ADTRP: variants seen among roughly 807,000 people sequenced by gnomAD.
ADTRP encodes the protein androgen-dependent TFPI-regulating protein.
ADTRP carries 20 observed loss-of-function variants against 27.0 expected under a neutral mutation model. The observed-to-expected ratio is 0.74, with a 90% CI of 0.52 to 1.08. The LOEUF (loss-of-function observed/expected upper bound fraction) is 1.08, where lower values mean the gene tolerates loss of function less well. Ranked by LOEUF, ADTRP falls within the 50% of genes least tolerant of loss-of-function variation. ADTRP has a pLI of 0.00. For synonymous variants in ADTRP, 101 were observed against 105.2 expected, an observed-to-expected ratio of 0.96 and a Z score of 0.25; for missense variants, 251 against 275.0, an observed-to-expected ratio of 0.91 and a Z score of 0.62.
At chr6:11,723,910 A>C (rs937904485) in intron 4 of ADTRP, among the ~76,000 whole-genome samples, 1 of 152,028 alleles carries the variant, frequency 6.6e-6, no homozygotes, top group Admixed American at 6.6e-5. Context: ...AATACAAAAA[A>C]TTAACTGGGC....
At chr6:11,735,462 A>G in intron 4 of ADTRP, 106 bp downstream of exon 4, 1 of 776,768 alleles carries the variant, frequency 1.3e-6, no homozygotes, top group East Asian at 2.7e-5. Context: ...TTAAATCCTT[A>G]TTAAACCAAG....
At chr6:11,730,918 G>A (rs1014876538) in intron 4 of ADTRP, among the ~76,000 whole-genome samples, 2 of 152,224 alleles carry the variant, frequency 1.3e-5, no homozygotes, top group Non-Finnish European at 2.9e-5. Flanking sequence ...GAGTAACATT[G>A]TTAATTCTAC....
At position 11,778,790 on chromosome 6, in the gene ADTRP, CTT is replaced by C. The variant is rs549889128; in HGVS notation, c.-33_-32del. 9,036 of 1,605,454 alleles carry C rather than the reference CTT, an allele frequency of 5.6e-3. 43 individuals carry two copies. The highest frequency in any genetic ancestry group is 6.8e-3 in the Non-Finnish European group (8,031 of 1,174,202). On this transcript the variant is annotated 5_prime_UTR_variant, in exon 1 of 6. Coordinates refer to ENST00000414691, the MANE Select transcript of ADTRP (RefSeq NM_032744.4). ...GTGCTGACCGGGGCACCGTGAATGT[CTT>C]GAGTACTTTCTGGCGTCCTTCTGTG...
chr6:11,761,248 T>A (rs1274521101), intron 3 of ADTRP, among the ~76,000 whole-genome samples: 1 of 152,200 alleles, frequency 6.6e-6, no homozygotes, highest in Non-Finnish European at 1.5e-5. Context: ...CTGCCTTTTT[T>A]ACACAAACAC....
At chr6:11,768,541 AGCTCATTG>A (rs1377323589) in intron 1 of ADTRP, among the ~76,000 whole-genome samples, 158 bp from the exon 2 acceptor site, 1 of 152,318 alleles carries the variant, frequency 6.6e-6, no homozygotes, top group African/African-American at 2.4e-5. Context: ...CTGGGCTTCC[AGCTCATTG>A]GGTCCTGACC....
chr6:11,738,194 G>A (rs1469058874), intron 3 of ADTRP, among the ~76,000 whole-genome samples: 1 of 152,146 alleles, frequency 6.6e-6, no homozygotes, highest in Non-Finnish European at 1.5e-5. Context: ...CCAGGGTGGG[G>A]TGCAAGCAAG....
intron 3 of ADTRP, among the ~76,000 whole-genome samples, chr6:11,753,804 A>G (rs1234348704): frequency 6.6e-6 from 1 of 152,190 alleles, no homozygotes; most frequent in Non-Finnish European, 1.5e-5. Flanking sequence ...CATCTCTTAG[A>G]GTCACATGTC....
chr6:11,714,531 A>C lies in ADTRP; in HGVS notation c.659-19T>G, dbSNP rs773599860. ...ATGTCACCTGTACAAACAAGAACAGAGACAGACCTCAGGCTTCAGGCTTTC... is the reference window on the plus strand; with the variant it reads ...ATGTCACCTGTACAAACAAGAACAGCGACAGACCTCAGGCTTCAGGCTTTC... On this transcript the variant is annotated intron_variant, in intron 5 of 5. Coordinates refer to ENST00000414691, the MANE Select transcript of ADTRP (RefSeq NM_032744.4). The C allele has an allele frequency of 3.1e-6, 5 of 1,610,490 alleles. No individual in the cohort carries two copies. The highest frequency in any genetic ancestry group is 3.4e-6 in the Non-Finnish European group (4 of 1,178,980).
chr6:11,775,616 T>G (rs1355197285), intron 1 of ADTRP, among the ~76,000 whole-genome samples: 1 of 152,078 alleles, frequency 6.6e-6, no homozygotes, highest in African/African-American at 2.4e-5. Context: ...TTCACTCTCC[T>G]TAGTCAGAAA....
At position 11,768,306 on chromosome 6, in the gene ADTRP, C is replaced by T; in HGVS notation, c.231G>A (p.Lys77=). ...LKRTKGGKDI[K]FLTAFRDLLF... ...GCAGGTCTCTGAAGGCAGTTAGGAA[C>T]TTAATGTCTTTTCCCCCTTTGGTTC... The change falls in exon 2 of 6, where the codon AAG becomes AAA. Residue 77 remains lysine, a synonymous_variant. Transcript: ENST00000414691. The T allele has an allele frequency of 6.2e-7, 1 of 1,614,230 alleles. No homozygotes were observed. Among genetic ancestry groups the T allele is most frequent in the East Asian group, 2.2e-5 (1 of 44,888 alleles).
At chr6:11,733,299 T>C (rs1197775703) in intron 4 of ADTRP, among the ~76,000 whole-genome samples, 3 of 152,246 alleles carry the variant, frequency 2.0e-5, no homozygotes, top group African/African-American at 7.2e-5. Context: ...AACCACATCA[T>C]TTCATTCCTC....
At chr6:11,714,612 A>T in intron 5 of ADTRP, 100 bp from the exon 6 acceptor site, 1 of 1,351,500 alleles carries the variant, frequency 7.4e-7, no homozygotes, top group African/African-American at 1.5e-5. Flanking sequence ...GGCAGTGGAA[A>T]GTTGAACACA....
At chr6:11,770,042 T>C (rs1213577466) in intron 1 of ADTRP, 1 of 1,551,694 alleles carries the variant, frequency 6.4e-7, no homozygotes, top group Non-Finnish European at 8.7e-7. Flanking sequence ...TGCCTAAAGC[T>C]TCCTGGCTGG....
At chr6:11,719,238 T>G (rs1188396342) in intron 5 of ADTRP, among the ~76,000 whole-genome samples, 1 of 152,132 alleles carries the variant, frequency 6.6e-6, no homozygotes, top group African/African-American at 2.4e-5. Flanking sequence ...GTCTGGAGTA[T>G]GCGTTAGAAG....
chr6:11,771,107 T>C (rs1414273947), intron 1 of ADTRP, among the ~76,000 whole-genome samples: 3 of 150,982 alleles, frequency 2.0e-5, no homozygotes, highest in Admixed American at 2.0e-4. Context: ...GGAAATCGGA[T>C]TGGGGGAAAG....
Position 11,778,709 on chromosome 6 carries a change from A to T in ADTRP, c.51T>A (p.Tyr17Ter), listed in dbSNP as rs746390987. 6.2e-7 allele frequency: 1 copy of T among 1,614,238 alleles called. No homozygotes were observed. Among genetic ancestry groups the T allele is most frequent in the Non-Finnish European group, 8.5e-7 (1 of 1,180,040 alleles). Residue 17 changes from tyrosine to a stop codon, truncating the protein, a stop_gained, in exon 1 of 6, where the codon TAT becomes TAA. Coordinates refer to ENST00000414691, the MANE Select transcript of ADTRP (RefSeq NM_032744.4). LOFTEE classifies it high-confidence loss of function. The part of the protein sequence containing the change: ...CIYHFLVLSW[Y>*]TFLNYYISQE... ...GTGAGATGTAATAATTGAGGAAAGT[A>T]TACCAGCTCAGAACAAGGAAGTGGT...
intron 1 of ADTRP, among the ~76,000 whole-genome samples, chr6:11,774,768 G>T (rs181751631): frequency 6.6e-6 from 1 of 152,250 alleles, no homozygotes; most frequent in Non-Finnish European, 1.5e-5. Context: ...TGAATTCTGC[G>T]AGCCAAGCTG....
chr6:11,715,476 C>A (rs1761779873), intron 5 of ADTRP, among the ~76,000 whole-genome samples: 2 of 152,090 alleles, frequency 1.3e-5, no homozygotes, highest in Non-Finnish European at 2.9e-5. Context: ...TCATGGCTAT[C>A]CTTGTATTCA....
chr6:11,771,940 G>A (rs970488464), intron 1 of ADTRP, among the ~76,000 whole-genome samples: 1 of 152,168 alleles, frequency 6.6e-6, no homozygotes, highest in African/African-American at 2.4e-5. Flanking sequence ...CCAGAACTAT[G>A]AGAAAATCAA....
Sources: allele counts gnomAD v4.1 joint callset (sites outside exome capture counted in the v4.1 genomes callset), GRCh38; gene constraint gnomAD v4.1.1; transcripts MANE v1.5; gene names NCBI Gene and HGNC (gene_info 2026-07-23, HGNC 2026-07-21).